Variants in ZBTB20 observed in about 807,000 individuals in gnomAD.
ZBTB20 encodes the protein zinc finger and BTB domain-containing protein 20.
In ZBTB20, 9 loss-of-function variants were observed where a neutral mutation model predicts 56.9. That is an observed-to-expected ratio of 0.16 (90% confidence interval 0.10 to 0.28). The LOEUF is 0.28. Ranked by LOEUF, ZBTB20 falls within the 10% of genes least tolerant of loss-of-function variation. The pLI, the probability that ZBTB20 is intolerant of heterozygous loss-of-function variation, is 1.00. For missense variants in ZBTB20, 655 were observed against 1,003.0 expected (o/e 0.65, Z 4.69); for synonymous variants, 417 against 420.7 (o/e 0.99, Z 0.11).
intron 4 of ZBTB20, among the ~76,000 whole-genome samples, chr3:114,805,015 A>G (rs1420507716): frequency 2.0e-5 from 3 of 151,900 alleles, no homozygotes; most frequent in Non-Finnish European, 4.4e-5. Flanking sequence ...ATTATCCTTT[A>G]ATCTATAAAT....
intron 10 of ZBTB20, among the ~76,000 whole-genome samples, chr3:114,360,983 G>T (rs1273331498): frequency 6.6e-6 from 1 of 151,816 alleles, no homozygotes; most frequent in South Asian, 2.1e-4. Flanking sequence ...AAAGTAGAAG[G>T]CATACTTTAT....
intron 10 of ZBTB20, among the ~76,000 whole-genome samples, chr3:114,352,895 A>G (rs534304036): frequency 6.6e-6 from 1 of 152,256 alleles, no homozygotes; most frequent in East Asian, 1.9e-4. Context: ...TGCCACAGGG[A>G]AGTATTAAAC....
chr3:114,353,108 C>A (rs58556891), intron 10 of ZBTB20, among the ~76,000 whole-genome samples: 8,786 of 152,106 alleles, frequency 0.058, 691 homozygotes, highest in African/African-American at 0.18. Context: ...TAGAGAATCC[C>A]CCTCCAAATA....
At chr3:114,991,411 G>A (rs1250324786) in intron 2 of ZBTB20, among the ~76,000 whole-genome samples, 3 of 152,262 alleles carry the variant, frequency 2.0e-5, no homozygotes, top group African/African-American at 7.2e-5. Context: ...TAGTTGAGTG[G>A]TTTTGAGTGA....
intron 3 of ZBTB20, among the ~76,000 whole-genome samples, chr3:114,953,437 A>AT (rs536314549): frequency 4.0e-5 from 6 of 151,804 alleles, no homozygotes; most frequent in African/African-American, 9.7e-5. Context: ...ATCAGAACGG[A>AT]TTTTTTTTAA....
At chr3:114,970,882 G>T (rs563081045) in intron 3 of ZBTB20, among the ~76,000 whole-genome samples, 2 of 152,262 alleles carry the variant, frequency 1.3e-5, no homozygotes, top group Admixed American at 1.3e-4. Context: ...AGGCATGGTA[G>T]TGGGCGCCTG....
intron 7 of ZBTB20, among the ~76,000 whole-genome samples, chr3:114,440,572 C>G (rs1310361832): frequency 6.6e-6 from 1 of 152,102 alleles, no homozygotes; most frequent in East Asian, 1.9e-4. Flanking sequence ...TACACTTGCT[C>G]TTCATGGGCT....
intron 3 of ZBTB20, among the ~76,000 whole-genome samples, chr3:114,963,750 T>C (rs954325611): frequency 6.6e-6 from 1 of 152,076 alleles, no homozygotes; most frequent in Non-Finnish European, 1.5e-5. Context: ...AAGTAGTTTT[T>C]TTGCCTTGAA....
chr3:114,997,636 C>A lies in ZBTB20; in HGVS notation c.-506-23220G>T, dbSNP rs539851561. Among the ~76,000 whole-genome samples, 3 of 151,246 alleles carry A rather than the reference C, an allele frequency of 2.0e-5. No individual in the cohort carries two copies. The Admixed American group carries it at 2.0e-4, about 10-fold the overall frequency. On this transcript the variant is annotated intron_variant, in intron 2 of 11. Transcript: ENST00000675478. ...CAAAGGAGTTTACAAAGAGACAAAG[C>A]ATGAAGACATAGAAAAGATAAAATT...
At position 114,502,645 on chromosome 3, in the gene ZBTB20, T is replaced by A. The variant is rs563788638; in HGVS notation, c.-294-2254A>T. Among the ~76,000 whole-genome samples, 3 of 152,328 alleles carry A rather than the reference T, an allele frequency of 2.0e-5. No individual in the cohort carries two copies. The East Asian group carries it at 5.8e-4, about 29-fold the overall frequency. On this transcript the variant is annotated intron_variant, in intron 6 of 11. Transcript: ENST00000675478. ...GAAATATATATATAACACTGACTAGTCTTCAAAGATTTTAAAGCTCTAAGT... is the reference window on the plus strand; with the variant it reads ...GAAATATATATATAACACTGACTAGACTTCAAAGATTTTAAAGCTCTAAGT...
intron 7 of ZBTB20, among the ~76,000 whole-genome samples, chr3:114,426,463 A>C (rs540489729): frequency 6.6e-6 from 1 of 151,850 alleles, no homozygotes; most frequent in Admixed American, 6.6e-5. Context: ...CTTCAGATCA[A>C]TTGTGAATTA....
chr3:114,439,283 G>T (rs899591605), intron 7 of ZBTB20, among the ~76,000 whole-genome samples: 1 of 152,094 alleles, frequency 6.6e-6, no homozygotes, highest in Non-Finnish European at 1.5e-5. Flanking sequence ...CCTTGAGTAG[G>T]TCTTGGGTGT....
chr3:114,380,715 C>T, intron 9 of ZBTB20, 62 bp downstream of exon 9: 1 of 1,457,810 alleles, frequency 6.9e-7, no homozygotes, highest in South Asian at 1.5e-5. Context: ...TCCAAGAAAG[C>T]ATCCCTCTTC....
intron 6 of ZBTB20, among the ~76,000 whole-genome samples, chr3:114,661,077 A>G (rs1282356327): frequency 6.6e-6 from 1 of 152,102 alleles, no homozygotes; most frequent in Admixed American, 6.6e-5. Flanking sequence ...GCTGCAGAAT[A>G]CTTGGTTTGG....
At chr3:114,868,045 G>A (rs2075838894) in intron 4 of ZBTB20, among the ~76,000 whole-genome samples, 3 of 152,078 alleles carry the variant, frequency 2.0e-5, no homozygotes, top group African/African-American at 7.2e-5. Flanking sequence ...GCTTTACTCT[G>A]GATCTCAGGG....
intron 2 of ZBTB20, among the ~76,000 whole-genome samples, chr3:114,988,091 C>CTTTT (rs543706041): frequency 8.4e-6 from 1 of 118,814 alleles, no homozygotes; most frequent in Non-Finnish European, 1.9e-5. Flanking sequence ...TATCCAGTTT[C>CTTTT]TTTTTTTTTT....
At chr3:114,986,942 T>C (rs1346613042) in intron 2 of ZBTB20, among the ~76,000 whole-genome samples, 1 of 152,110 alleles carries the variant, frequency 6.6e-6, no homozygotes, top group Non-Finnish European at 1.5e-5. Context: ...TGATAACCAA[T>C]AAATTGTACT....
chr3:114,796,002 G>C (rs2071319056), intron 5 of ZBTB20, among the ~76,000 whole-genome samples: 1 of 152,000 alleles, frequency 6.6e-6, no homozygotes, highest in Non-Finnish European at 1.5e-5. Context: ...TAAAAGTGTA[G>C]ATGAGTATTG....
rs2078621381 is a variant in ZBTB20, at chr3:114,314,893, T to A, written c.*24112A>T. The A allele has an allele frequency of 6.6e-6, 1 of 152,078 alleles. No homozygotes were observed. The highest frequency in any genetic ancestry group is 1.5e-5 in the Non-Finnish European group (1 of 68,012). The allele number at this position is 152,078 out of a possible 1,614,324, so 9.4% of individuals were successfully genotyped here. On this transcript the variant is annotated 3_prime_UTR_variant, in exon 12 of 12. Transcript: ENST00000675478. ...AATACAAGTCACAGGTAAATATACG[T>A]GAGAAAAATACGAGGCTAATATTAA...
Sources: gnomAD v4.1 joint callset for allele counts (sites outside exome capture counted in the v4.1 genomes callset) on GRCh38, gnomAD v4.1.1 for gene constraint, MANE v1.5 for transcripts, NCBI Gene and HGNC (gene_info 2026-07-23, HGNC 2026-07-21) for gene names.